Variants in CUL1 observed in about 807,000 individuals in gnomAD.
The protein encoded by CUL1 is cullin 1, also known as cullin-1.
CUL1 carries 24 observed loss-of-function variants against 118.0 expected under a neutral mutation model. That is an observed-to-expected ratio of 0.20 (90% confidence interval 0.15 to 0.29). The LOEUF is 0.29. Among genes scored for constraint, CUL1 ranks in the 10% least tolerant of loss-of-function variants. The pLI is 1.00. For synonymous variants in CUL1, 332 were observed against 340.4 expected (o/e 0.98, Z 0.27); for missense variants, 361 against 933.8 (o/e 0.39, Z 7.99).
At chr7:148,772,425 CA>C (rs11402401) in intron 9 of CUL1, among the ~76,000 whole-genome samples, 9 of 146,684 alleles carry the variant, frequency 6.1e-5, no homozygotes, top group South Asian at 2.1e-4. Context: ...AAAAAAAAAA[CA>C]AAAAAAAAAA....
intron 9 of CUL1, among the ~76,000 whole-genome samples, chr7:148,772,815 G>A (rs571923618): frequency 6.6e-6 from 1 of 152,062 alleles, no homozygotes; most frequent in East Asian, 1.9e-4. Flanking sequence ...AATCTAATAG[G>A]GTATAATTTC....
intron 2 of CUL1, among the ~76,000 whole-genome samples, chr7:148,742,063 T>C (rs1156774019): frequency 6.6e-6 from 1 of 152,226 alleles, no homozygotes; most frequent in Non-Finnish European, 1.5e-5. Context: ...TTTTTGTAGA[T>C]TATTTTGGCT....
chr7:148,704,224 GA>G (rs561502704), intron 1 of CUL1, among the ~76,000 whole-genome samples: 1 of 142,626 alleles, frequency 7.0e-6, no homozygotes, highest in Non-Finnish European at 1.5e-5. Context: ...CAGGAAACAT[GA>G]AAAAACTTTC....
intron 1 of CUL1, among the ~76,000 whole-genome samples, chr7:148,701,063 T>C (rs986303669): frequency 6.6e-6 from 1 of 152,202 alleles, no homozygotes; most frequent in Non-Finnish European, 1.5e-5. Context: ...CGATTGTGAA[T>C]TCCTCCAGCG....
At position 148,730,161 on chromosome 7, in the gene CUL1, G is replaced by A. The variant is rs1798711062; in HGVS notation, c.39G>A (p.Lys13=). 1 of 1,614,116 alleles carries A rather than the reference G, an allele frequency of 6.2e-7. No individual in the cohort carries two copies. Among genetic ancestry groups the A allele is most frequent in the Non-Finnish European group, 8.5e-7 (1 of 1,180,024 alleles). The stretch of plus-strand genomic sequence containing the variant: ...GGAGCCAGAACCCCCACGGCCTGAA[G>A]CAGATTGGCCTGGACCAGATCTGGG... ...STRSQNPHGL[K]QIGLDQIWDD... is the part of the protein sequence containing the mutation. Residue 13 remains lysine, a synonymous_variant, in exon 2 of 22, where the codon AAG becomes AAA. Coordinates refer to ENST00000325222, the MANE Select transcript of CUL1 (RefSeq NM_003592.3).
At chr7:148,789,178 T>A (rs1800924201) in intron 14 of CUL1, among the ~76,000 whole-genome samples, 1 of 152,202 alleles carries the variant, frequency 6.6e-6, no homozygotes, top group Non-Finnish European at 1.5e-5. Context: ...TTTGTCTTTT[T>A]AAATGAAAAA....
At position 148,798,623 on chromosome 7, in the gene CUL1, G is replaced by A. The variant is rs1801286949; in HGVS notation, c.2082G>A (p.Gln694=). Residue 694 remains glutamine, a synonymous_variant, in exon 20 of 22, where the codon CAG becomes CAA. Transcript: ENST00000325222. ...INVPMKTEQK[Q]EQETTHKNIE... ...TGCCAATGAAAACCGAACAGAAGCA[G>A]GAACAAGAAACCACACACAAAAACA... The A allele has an allele frequency of 1.2e-6, 2 of 1,614,014 alleles. No homozygotes were observed. Among genetic ancestry groups the A allele is most frequent in the East Asian group, 4.5e-5 (2 of 44,886 alleles).
intron 20 of CUL1, 105 bp from the exon 21 acceptor site, chr7:148,799,170 T>TACGGCTA: frequency 1.4e-6 from 1 of 711,798 alleles, no homozygotes; most frequent in Non-Finnish European, 2.3e-6. Context: ...GAAATTGTGA[T>TACGGCTA]CCTGTGCATA....
chr7:148,785,420 A>C (rs1048919092), intron 11 of CUL1, among the ~76,000 whole-genome samples: 6 of 151,852 alleles, frequency 4.0e-5, no homozygotes, highest in Admixed American at 6.6e-5. Context: ...GTGCAGTGGC[A>C]CAATCTCGGC....
intron 1 of CUL1, among the ~76,000 whole-genome samples, chr7:148,710,143 C>A (rs114819589): frequency 0.025 from 3,737 of 152,222 alleles, 147 homozygotes; most frequent in African/African-American, 0.086. Flanking sequence ...TGTGTCTCTG[C>A]CCCTTAGCAA....
In CUL1 at chr7:148,769,397, TCACACACACACACACA is replaced by T. The variant is rs55858322; in HGVS notation, c.1083+1685_1083+1700del. ...TAAATGTTCCTTTAAAGGGCCTGATTCACACACACACACACACACACACACACACACACACACACAC... is the reference window on the plus strand; with the variant it reads ...TAAATGTTCCTTTAAAGGGCCTGATTCACACACACACACACACACACACAC... On this transcript the variant is annotated intron_variant, in intron 9 of 21. Transcript: ENST00000325222. Among the ~76,000 whole-genome samples, 161 of 129,106 alleles carry T rather than the reference TCACACACACACACACA, an allele frequency of 1.2e-3. 1 individual carries two copies. In the East Asian group the frequency reaches 0.017, roughly 14 times the overall value. The allele number at this position is 129,106 out of a possible 152,430, so 84.7% of individuals were successfully genotyped here.
intron 1 of CUL1, among the ~76,000 whole-genome samples, chr7:148,721,706 T>C (rs1276105172): frequency 6.6e-6 from 1 of 151,752 alleles, no homozygotes; most frequent in Admixed American, 6.5e-5. Flanking sequence ...TGATATACTG[T>C]ATATATTCCT....
intron 2 of CUL1, among the ~76,000 whole-genome samples, chr7:148,735,053 G>A (rs376523331): frequency 1.3e-5 from 2 of 152,058 alleles, no homozygotes; most frequent in Admixed American, 6.6e-5. Flanking sequence ...CACTAGCACC[G>A]TAAGAATCTC....
At chr7:148,782,799 T>C (rs1466895222) in intron 9 of CUL1, among the ~76,000 whole-genome samples, 1 of 152,204 alleles carries the variant, frequency 6.6e-6, no homozygotes, top group Non-Finnish European at 1.5e-5. Flanking sequence ...TTCTGGCACC[T>C]GAGCCCTGCA....
At chr7:148,728,430 A>C (rs1482452395) in intron 1 of CUL1, among the ~76,000 whole-genome samples, 2 of 152,234 alleles carry the variant, frequency 1.3e-5, no homozygotes, top group African/African-American at 4.8e-5. Context: ...TGATGGGGAA[A>C]GTAGGGTAGG....
chr7:148,715,821 C>T (rs1417037276), intron 1 of CUL1, among the ~76,000 whole-genome samples: 1 of 152,170 alleles, frequency 6.6e-6, no homozygotes, highest in Admixed American at 6.5e-5. Flanking sequence ...TTTCTAGTTT[C>T]AGGCTTCTTC....
chr7:148,762,211 C>T (rs977032163), intron 7 of CUL1, among the ~76,000 whole-genome samples: 2 of 152,158 alleles, frequency 1.3e-5, no homozygotes, highest in Admixed American at 6.5e-5. Context: ...ATCTCTTTTC[C>T]GTATGCTGAG....
At chr7:148,799,892 A>T (rs1489825192) in intron 21 of CUL1, among the ~76,000 whole-genome samples, 2 of 152,172 alleles carry the variant, frequency 1.3e-5, no homozygotes, top group Non-Finnish European at 2.9e-5. Context: ...TTATGGGAAC[A>T]CACCTTCCTT....
chr7:148,763,995 GT>G (rs1254436848), intron 7 of CUL1, among the ~76,000 whole-genome samples: 1 of 151,706 alleles, frequency 6.6e-6, no homozygotes, highest in East Asian at 1.9e-4. Context: ...GCTTTGAAGA[GT>G]GAACCATGTT....
Sources: allele counts gnomAD v4.1 joint callset (sites outside exome capture counted in the v4.1 genomes callset), GRCh38; gene constraint gnomAD v4.1.1; transcripts MANE v1.5; gene names NCBI Gene and HGNC (gene_info 2026-07-23, HGNC 2026-07-21).